AFAP1: variants seen among roughly 807,000 people sequenced by gnomAD.
AFAP1 encodes actin filament-associated protein 1.
AFAP1 carries 75 observed loss-of-function variants against 93.9 expected under a neutral mutation model. The observed-to-expected ratio is 0.80, with a 90% CI of 0.66 to 0.97. The LOEUF is 0.97. Ranked by LOEUF, AFAP1 falls within the 50% of genes least tolerant of loss-of-function variation. AFAP1 has a pLI of 0.00. For missense variants in AFAP1, 1,201 were observed against 1,050.8 expected (o/e 1.14, Z -1.98); for synonymous variants, 517 against 430.7 (o/e 1.20, Z -2.48).
chr4:7,838,396 G>A (rs1229880261), intron 6 of AFAP1, 128 bp downstream of exon 6: 3 of 1,127,842 alleles, frequency 2.7e-6, no homozygotes, highest in Non-Finnish European at 3.6e-6. Context: ...AGCTATTAAA[G>A]ACAAAACTCT....
intron 16 of AFAP1, among the ~76,000 whole-genome samples, chr4:7,770,045 C>T (rs890237440): frequency 6.6e-6 from 1 of 152,222 alleles, no homozygotes; most frequent in African/African-American, 2.4e-5. Context: ...AGCCACTCTC[C>T]CGAGGACGGC....
rs185278098 is a variant in AFAP1, at chr4:7,900,734, G to A, written c.-2-28654C>T. ...CTGTACAACTAAAAACCTTGGAAAC[G>A]GATAAACACTGCAACATTTTGACTC... is the stretch of plus-strand genomic sequence containing the variant. On this transcript the variant is annotated intron_variant, in intron 1 of 17. Coordinates refer to ENST00000420658, the MANE Select transcript of AFAP1 (RefSeq NM_001134647.2). Among the ~76,000 whole-genome samples the A allele has an allele frequency of 8.5e-5, 13 of 152,280 alleles. No homozygotes were observed. In the East Asian group the frequency reaches 2.1e-3, roughly 25 times the overall value.
chr4:7,904,638 A>C (rs1719299414), intron 1 of AFAP1, among the ~76,000 whole-genome samples: 1 of 152,202 alleles, frequency 6.6e-6, no homozygotes, highest in Non-Finnish European at 1.5e-5. Context: ...GTCACAGGTT[A>C]TTTAGTAACT....
Position 7,759,978 on chromosome 4 carries a change from AT to A in AFAP1, c.*3786del, listed in dbSNP as rs750541446. ...CTGGGTGGCAAAGTCTGTGGGCAAA[AT>A]TTACATCCCCCCAAATAGTGGGTGA... On this transcript the variant is annotated 3_prime_UTR_variant, in exon 18 of 18. Coordinates refer to ENST00000420658, the MANE Select transcript of AFAP1 (RefSeq NM_001134647.2). 1.3e-5 allele frequency: 2 copies of A among 152,184 alleles called. No individual in the cohort carries two copies. Among genetic ancestry groups the A allele is most frequent in the Admixed American group, 6.5e-5 (1 of 15,308 alleles). 9.4% of individuals were successfully genotyped at this position (152,184 alleles called of 1,614,324 possible). A position where few individuals can be genotyped will look rare whatever the true frequency, so the allele number is the denominator to read the frequency against.
At chr4:7,836,502 A>G (rs1194839429) in intron 6 of AFAP1, among the ~76,000 whole-genome samples, 2 of 152,246 alleles carry the variant, frequency 1.3e-5, no homozygotes, top group South Asian at 4.1e-4. Flanking sequence ...GCTGGAGTAC[A>G]GTGGCGCAGT....
intron 9 of AFAP1, among the ~76,000 whole-genome samples, chr4:7,801,724 CA>C (rs1462584449): frequency 6.6e-6 from 1 of 150,816 alleles, no homozygotes; most frequent in African/African-American, 2.4e-5. Flanking sequence ...ACCCCTGCCT[CA>C]AAAATGTCAC....
rs929675958 is a variant in AFAP1, at chr4:7,760,465, G to A, written c.*3300C>T. The A allele has an allele frequency of 3.9e-5, 6 of 152,444 alleles. No individual in the cohort carries two copies. The East Asian group carries it at 1.2e-3, about 29-fold the overall frequency. 9.4% of individuals were successfully genotyped at this position (152,444 alleles called of 1,614,324 possible). A position where few individuals can be genotyped will look rare whatever the true frequency, so the allele number is the denominator to read the frequency against. On this transcript the variant is annotated 3_prime_UTR_variant, in exon 18 of 18. Coordinates refer to ENST00000420658, the MANE Select transcript of AFAP1 (RefSeq NM_001134647.2). Reference sequence around the variant, plus strand: ...GTCTGGTGCCTGGGGTGACTCAGCAGATCCACACTGGTTACCTTGCAACTG... The same window carrying A: ...GTCTGGTGCCTGGGGTGACTCAGCAAATCCACACTGGTTACCTTGCAACTG...
intron 1 of AFAP1, among the ~76,000 whole-genome samples, chr4:7,876,286 G>C (rs1717501832): frequency 6.6e-6 from 1 of 152,172 alleles, no homozygotes; most frequent in Admixed American, 6.5e-5. Context: ...TCTCCTCTGA[G>C]AACAGCAGCC....
At position 7,760,915 on chromosome 4, in the gene AFAP1, T is replaced by A. The variant is rs1462421685; in HGVS notation, c.*2850A>T. On this transcript the variant is annotated 3_prime_UTR_variant, in exon 18 of 18. Coordinates refer to ENST00000420658, the MANE Select transcript of AFAP1 (RefSeq NM_001134647.2). ...TGGCTAGCCCCTGTGAACACGACCA[T>A]CTGCTAAGTACCAGTGACATTGCGA... The A allele has an allele frequency of 1.3e-5, 2 of 152,248 alleles. No homozygotes were observed. Among genetic ancestry groups the A allele is most frequent in the Non-Finnish European group, 2.9e-5 (2 of 68,050 alleles). The allele number at this position is 152,248 out of a possible 1,614,324, so 9.4% of individuals were successfully genotyped here. A position where few individuals can be genotyped will look rare whatever the true frequency, so the allele number is the denominator to read the frequency against.
intron 4 of AFAP1, among the ~76,000 whole-genome samples, chr4:7,848,124 GAAGGGAGT>G (rs1445620208): frequency 5.5e-4 from 65 of 118,608 alleles, no homozygotes; most frequent in African/African-American, 1.8e-3. Flanking sequence ...AGGAAGGAAG[GAAGGGAGT>G]GAGTGAGGGA....
chr4:7,792,488 T>C lies in AFAP1; in HGVS notation c.1412+1193A>G, dbSNP rs144876351. ...GCTTAAATGTATCATAAGCAACAAA[T>C]ACTGCCAACTGTTTGCCTAGAGATG... is the stretch of plus-strand genomic sequence containing the variant. On this transcript the variant is annotated intron_variant, in intron 11 of 17. Transcript: ENST00000420658. Among the ~76,000 whole-genome samples the C allele has an allele frequency of 3.9e-4, 60 of 152,282 alleles. 1 individual carries two copies. The highest frequency in any genetic ancestry group is 1.4e-3 in the African/African-American group (58 of 41,550).
chr4:7,935,655 C>A (rs1259872940), intron 1 of AFAP1, among the ~76,000 whole-genome samples: 1 of 152,124 alleles, frequency 6.6e-6, no homozygotes, highest in South Asian at 2.1e-4. Flanking sequence ...AAAGAGAAGT[C>A]GCATCAGTCC....
chr4:7,864,155 T>TCACAACGCATTCCCAACTTCC (rs1453860392), intron 3 of AFAP1, among the ~76,000 whole-genome samples: 3 of 23,048 alleles, frequency 1.3e-4, no homozygotes, highest in Non-Finnish European at 2.1e-4. Flanking sequence ...TCCCAACTTC[T>TCACAACGCATTCCCAACTTCC]CATCACAACC....
intron 6 of AFAP1, among the ~76,000 whole-genome samples, chr4:7,819,824 C>A (rs1720809306): frequency 1.3e-5 from 2 of 152,174 alleles, no homozygotes; most frequent in African/African-American, 4.8e-5. Context: ...TGGCTCAGGA[C>A]CTAGTGCCTG....
intron 1 of AFAP1, among the ~76,000 whole-genome samples, chr4:7,888,010 A>G (rs565335535): frequency 6.6e-6 from 1 of 152,246 alleles, no homozygotes; most frequent in South Asian, 2.1e-4. Flanking sequence ...TATTTTTGGT[A>G]GTGACATGGT....
chr4:7,831,915 G>C (rs1018172933), intron 6 of AFAP1, among the ~76,000 whole-genome samples: 2 of 152,154 alleles, frequency 1.3e-5, no homozygotes, highest in Non-Finnish European at 2.9e-5. Context: ...TAGAAATGTG[G>C]AATAAAAGAG....
intron 1 of AFAP1, among the ~76,000 whole-genome samples, chr4:7,903,735 A>C (rs927141645): frequency 6.6e-6 from 1 of 152,322 alleles, no homozygotes; most frequent in South Asian, 2.1e-4. Context: ...CAAAAGAAAG[A>C]ACATGAAAGA....
chr4:7,792,913 G>A (rs1448588443), intron 11 of AFAP1, among the ~76,000 whole-genome samples: 2 of 152,218 alleles, frequency 1.3e-5, no homozygotes, highest in East Asian at 1.9e-4. Context: ...TTCATACGGC[G>A]AAGGGCGACT....
rs571439556 is a variant in AFAP1, at chr4:7,896,779, C to T, written c.-2-24699G>A. ...CTCAGTCCTCATTCCCCCCCACACCCAGGGCTCAGTCCTCACTCCCCCCAC... is the reference window on the plus strand; with the variant it reads ...CTCAGTCCTCATTCCCCCCCACACCTAGGGCTCAGTCCTCACTCCCCCCAC... On this transcript the variant is annotated intron_variant, in intron 1 of 17. Coordinates refer to ENST00000420658, the MANE Select transcript of AFAP1 (RefSeq NM_001134647.2). 2.1e-5 allele frequency among the ~76,000 whole-genome samples: 3 copies of T among 139,970 alleles called. No homozygotes were observed. The South Asian group carries it at 7.7e-4, about 36-fold the overall frequency. The allele number at this position is 139,970 out of a possible 152,430, so 91.8% of individuals were successfully genotyped here.
Sources: allele counts gnomAD v4.1 joint callset (sites outside exome capture counted in the v4.1 genomes callset), GRCh38; gene constraint gnomAD v4.1.1; transcripts MANE v1.5; gene names NCBI Gene and HGNC (gene_info 2026-07-23, HGNC 2026-07-21).